Variants in ATG7 observed in about 807,000 individuals in gnomAD.
ATG7 encodes ubiquitin-like modifier-activating enzyme ATG7.
In ATG7, 70 loss-of-function variants were observed where a neutral mutation model predicts 82.4. The ratio of observed to expected loss-of-function variants is 0.85; its 90% CI spans 0.70 to 1.04. The LOEUF is 1.04. ATG7 is among the 50% of genes least tolerant of loss of function. The pLI, the probability that ATG7 is intolerant of heterozygous loss-of-function variation, is 0.00. For synonymous variants in ATG7, 287 were observed against 313.0 expected (o/e 0.92, Z 0.88); for missense variants, 792 against 864.3 (o/e 0.92, Z 1.05).
chr3:11,288,834 T>G (rs1944502874), intron 3 of ATG7: 1 of 152,202 alleles, frequency 6.6e-6, no homozygotes, highest in African/African-American at 2.4e-5. Flanking sequence ...TGCACCAAGT[T>G]TGGGTGGTAG....
chr3:11,448,443 C>T (rs1461513226), intron 20 of ATG7, among the ~76,000 whole-genome samples: 1 of 152,164 alleles, frequency 6.6e-6, no homozygotes, highest in Non-Finnish European at 1.5e-5. Context: ...GCCCAGATGG[C>T]CAGGCTCAGT....
intron 11 of ATG7, among the ~76,000 whole-genome samples, chr3:11,335,845 G>A (rs1417063640): frequency 5.3e-5 from 8 of 151,886 alleles, no homozygotes; most frequent in Non-Finnish European, 1.0e-4. Flanking sequence ...TTACAGTCGC[G>A]TGCCACCACG....
At chr3:11,567,774 G>A in the ATG7 span, among the ~76,000 whole-genome samples, 2 of 152,202 alleles carry the variant, frequency 1.3e-5, no homozygotes, top group Admixed American at 1.3e-4. Flanking sequence ...CAGTTCATCA[G>A]TGTCACCACA....
At chr3:11,444,050 CTT>C (rs1166222475) in intron 20 of ATG7, among the ~76,000 whole-genome samples, 1 of 152,112 alleles carries the variant, frequency 6.6e-6, no homozygotes, top group Non-Finnish European at 1.5e-5. Flanking sequence ...ATTTGCCTGA[CTT>C]TGAATTTTTC....
rs1394531205 is a variant in ATG7, at chr3:11,347,900, A to G, written c.1149A>G (p.Thr383=). 3 of 1,613,948 alleles carry G rather than the reference A, an allele frequency of 1.9e-6. No individual in the cohort carries two copies. The highest frequency in any genetic ancestry group is 2.5e-6 in the Non-Finnish European group (3 of 1,179,982). Residue 383 remains threonine (T), a synonymous_variant, in exon 14 of 21, where the codon ACA becomes ACG. Coordinates refer to ENST00000693202, the MANE Select transcript of ATG7 (RefSeq NM_001349232.2). ...TLMGWGVRHI[T]FVDNAKISYS... is the part of the protein sequence containing the mutation. ...AGGGTTGGGGCGTGAGACACATCACATTTGTGGACAATGCCAAGATCTCCT... is the reference window on the plus strand; with the variant it reads ...AGGGTTGGGGCGTGAGACACATCACGTTTGTGGACAATGCCAAGATCTCCT...
chr3:11,462,739 C>A (rs905335688), intron 20 of ATG7, among the ~76,000 whole-genome samples: 2 of 152,090 alleles, frequency 1.3e-5, no homozygotes, highest in Admixed American at 6.6e-5. Flanking sequence ...TCGCCACCCC[C>A]CCAGGGGCAG....
chr3:11,299,617 A>C (rs1056012059), intron 5 of ATG7, among the ~76,000 whole-genome samples: 9 of 152,080 alleles, frequency 5.9e-5, no homozygotes, highest in Non-Finnish European at 7.4e-5. Flanking sequence ...ATTTTTCACC[A>C]CCTATTTATC....
At chr3:11,574,400 A>G in the ATG7 span, among the ~76,000 whole-genome samples, 10 of 152,328 alleles carry the variant, frequency 6.6e-5, no homozygotes, top group East Asian at 1.9e-3. Context: ...CGAGCACCGC[A>G]CAATGACAGT....
chr3:11,432,087 A>G (rs1159253823), intron 20 of ATG7, among the ~76,000 whole-genome samples: 2 of 152,148 alleles, frequency 1.3e-5, no homozygotes, highest in Admixed American at 6.6e-5. Flanking sequence ...GGAGAGGTCA[A>G]TGTGTGAGGG....
At chr3:11,451,878 C>A (rs903513535) in intron 20 of ATG7, among the ~76,000 whole-genome samples, 20 of 139,824 alleles carry the variant, frequency 1.4e-4, no homozygotes, top group Non-Finnish European at 2.9e-4. Context: ...CATACACACA[C>A]ACACACAGAC....
rs537454349 is a variant in ATG7 at position 11,524,281 on chromosome 3, A to G, written c.2080-30530A>G. Among the ~76,000 whole-genome samples the G allele has an allele frequency of 1.1e-4, 17 of 152,296 alleles. No homozygotes were observed. In the East Asian group the frequency reaches 3.3e-3, roughly 29 times the overall value. On this transcript the variant is annotated intron_variant, in intron 20 of 20. Coordinates refer to ENST00000693202, the MANE Select transcript of ATG7 (RefSeq NM_001349232.2). ...CATTGCTTTCCAGCCACAATGGAGA[A>G]GCCCATTCCCACTCTTGTCCCCACT... is the stretch of plus-strand genomic sequence containing the variant.
chr3:11,436,478 A>G (rs2083380806), intron 20 of ATG7, among the ~76,000 whole-genome samples: 1 of 152,228 alleles, frequency 6.6e-6, no homozygotes, highest in African/African-American at 2.4e-5. Context: ...TATATACCCA[A>G]GGCTACTCTG....
intron 20 of ATG7, among the ~76,000 whole-genome samples, chr3:11,429,949 A>G (rs1009682198): frequency 2.8e-4 from 3 of 10,672 alleles, no homozygotes; most frequent in Non-Finnish European, 1.2e-3. Context: ...CTGTCTCAGG[A>G]AAAAAAAAAA....
the ATG7 span, chr3:11,564,916 G>A: frequency 1.3e-6 from 2 of 1,599,256 alleles, no homozygotes; most frequent in East Asian, 2.3e-5. Context: ...GAGGTGTACA[G>A]GTGGCTGCCG....
At chr3:11,304,668 CTG>C (rs1476483521) in intron 5 of ATG7, 2 of 152,236 alleles carry the variant, frequency 1.3e-5, no homozygotes, top group Non-Finnish European at 2.9e-5. Context: ...TGAGTCATCG[CTG>C]TGAGACTGAA....
chr3:11,282,718 C>G (rs1354039578), intron 3 of ATG7, among the ~76,000 whole-genome samples: 1 of 152,212 alleles, frequency 6.6e-6, no homozygotes, highest in Non-Finnish European at 1.5e-5. Context: ...AACTTTTTCC[C>G]TTCTTTTGGA....
intron 20 of ATG7, among the ~76,000 whole-genome samples, chr3:11,442,760 AAAAAAAAAAAATT>A (rs1303921584): frequency 2.9e-4 from 43 of 147,580 alleles, no homozygotes; most frequent in African/African-American, 1.1e-3. Flanking sequence ...AAAAAAAAAA[AAAAAAAAAAAATT>A]AGCCAGGTTT....
intron 20 of ATG7, among the ~76,000 whole-genome samples, chr3:11,489,688 G>A (rs1283116516): frequency 4.1e-5 from 6 of 146,356 alleles, no homozygotes; most frequent in East Asian, 2.0e-4. Flanking sequence ...CTTTGTTCTC[G>A]TTGGTTTCAA....
intron 20 of ATG7, among the ~76,000 whole-genome samples, chr3:11,452,428 A>G (rs1458430010): frequency 6.7e-6 from 1 of 149,894 alleles, no homozygotes; most frequent in Non-Finnish European, 1.5e-5. Flanking sequence ...CTGGAATTAG[A>G]TAGTGGTGAT....
Sources: gnomAD v4.1 joint callset for allele counts (sites outside exome capture counted in the v4.1 genomes callset) on GRCh38, gnomAD v4.1.1 for gene constraint, MANE v1.5 for transcripts, NCBI Gene and HGNC (gene_info 2026-07-23, HGNC 2026-07-21) for gene names.